TMEM178B: variants seen among roughly 807,000 people sequenced by gnomAD.
TMEM178B encodes the protein transmembrane protein 178B.
TMEM178B carries 5 observed loss-of-function variants against 31.0 expected under a neutral mutation model. The ratio of observed to expected loss-of-function variants is 0.16; its 90% confidence interval spans 0.08 to 0.34. The LOEUF is 0.34. Ranked by LOEUF, TMEM178B falls within the 10% of genes least tolerant of loss-of-function variation. The probability of loss-of-function intolerance (pLI) is 1.00; values close to 1 mark genes in which losing one functional copy is unlikely to be tolerated. For missense variants in TMEM178B, 275 were observed against 400.3 expected (o/e 0.69, Z 2.67); for synonymous variants, 164 against 164.0 (o/e 1.00, Z 0.00).
intron 2 of TMEM178B, among the ~76,000 whole-genome samples, chr7:141,345,590 G>A (rs1172070765): frequency 1.3e-5 from 2 of 152,186 alleles, no homozygotes; most frequent in Non-Finnish European, 2.9e-5. Context: ...AGTATTAGGT[G>A]ATTTTGTCAT....
chr7:141,453,822 C>G (rs1236012396), intron 3 of TMEM178B, among the ~76,000 whole-genome samples: 1 of 151,882 alleles, frequency 6.6e-6, no homozygotes, highest in Non-Finnish European at 1.5e-5. Context: ...TTTATTCATT[C>G]TAGTTTAGGA....
chr7:141,113,758 C>T (rs1009626115), intron 1 of TMEM178B, among the ~76,000 whole-genome samples: 2 of 152,142 alleles, frequency 1.3e-5, no homozygotes, highest in Non-Finnish European at 2.9e-5. Context: ...CAGCAGCAAG[C>T]CGTGTATCAC....
At chr7:141,185,016 G>A (rs1796586100) in intron 1 of TMEM178B, among the ~76,000 whole-genome samples, 1 of 152,204 alleles carries the variant, frequency 6.6e-6, no homozygotes, top group African/African-American at 2.4e-5. Context: ...AACGGGAAAA[G>A]TTCCCTTGCA....
At chr7:141,464,855 C>A (rs1248546959) in intron 3 of TMEM178B, among the ~76,000 whole-genome samples, 2 of 152,140 alleles carry the variant, frequency 1.3e-5, no homozygotes, top group Non-Finnish European at 2.9e-5. Flanking sequence ...AGGGTTATGC[C>A]TGGCACTGCT....
Position 141,308,824 on chromosome 7 carries a change from C to T in TMEM178B, c.496+96120C>T, listed in dbSNP as rs529958420. Among the ~76,000 whole-genome samples the T allele has an allele frequency of 6.6e-4, 100 of 152,284 alleles. 1 individual carries two copies. In the South Asian group the frequency reaches 0.019, roughly 29 times the overall value. On this transcript the variant is annotated intron_variant, in intron 2 of 3. Coordinates refer to ENST00000565468, the MANE Select transcript of TMEM178B (RefSeq NM_001195278.2). ...GCTGGGTGGGGAGGGGCCAGGACCC[C>T]GGCTCCTGAATCCCCAGCCTTTGTT...
intron 2 of TMEM178B, among the ~76,000 whole-genome samples, chr7:141,280,494 A>G (rs1356176396): frequency 2.0e-5 from 3 of 152,046 alleles, no homozygotes; most frequent in East Asian, 1.9e-4. Context: ...TTCTCATTCT[A>G]TCTTGCCTGC....
At chr7:141,152,008 T>C (rs957509197) in intron 1 of TMEM178B, among the ~76,000 whole-genome samples, 1 of 152,128 alleles carries the variant, frequency 6.6e-6, no homozygotes, top group African/African-American at 2.4e-5. Context: ...ACAGAGGACT[T>C]CCCTGTCTCT....
intron 1 of TMEM178B, among the ~76,000 whole-genome samples, chr7:141,131,594 CTT>C (rs1197100826): frequency 6.6e-6 from 1 of 152,186 alleles, no homozygotes; most frequent in Non-Finnish European, 1.5e-5. Flanking sequence ...TACCTGGCTT[CTT>C]TTACCTATCA....
intron 3 of TMEM178B, among the ~76,000 whole-genome samples, chr7:141,462,281 AAAT>A (rs1034729872): frequency 6.6e-6 from 1 of 152,206 alleles, no homozygotes; most frequent in Admixed American, 6.5e-5. Context: ...TGAAGGAATA[AAAT>A]AAGTCAGGAA....
intron 1 of TMEM178B, among the ~76,000 whole-genome samples, chr7:141,095,032 T>C (rs1054101304): frequency 6.6e-6 from 1 of 152,234 alleles, no homozygotes; most frequent in African/African-American, 2.4e-5. Context: ...TCACAAAACC[T>C]TCCTTTCTTG....
At chr7:141,462,152 C>T (rs1466235441) in intron 3 of TMEM178B, among the ~76,000 whole-genome samples, 1 of 152,184 alleles carries the variant, frequency 6.6e-6, no homozygotes, top group Non-Finnish European at 1.5e-5. Flanking sequence ...GCCAATTGGA[C>T]TCTCTTAGCC....
At position 141,477,415 on chromosome 7, in the gene TMEM178B, A is replaced by C. The variant is rs985672744; in HGVS notation, c.*6629A>C. ...ATATGAAGGGAGGGATACCATTGAC[A>C]CAGGAGGTTTTTTTCTGGTTGTTTC... On this transcript the variant is annotated 3_prime_UTR_variant, in exon 4 of 4. Coordinates refer to ENST00000565468, the MANE Select transcript of TMEM178B (RefSeq NM_001195278.2). The C allele has an allele frequency of 6.6e-6, 1 of 152,376 alleles. No individual in the cohort carries two copies. Among genetic ancestry groups the C allele is most frequent in the Non-Finnish European group, 1.5e-5 (1 of 68,128 alleles). The allele number at this position is 152,376 out of a possible 1,614,324, so 9.4% of individuals were successfully genotyped here.
At chr7:141,120,497 T>C (rs1193910291) in intron 1 of TMEM178B, among the ~76,000 whole-genome samples, 1 of 152,204 alleles carries the variant, frequency 6.6e-6, no homozygotes, top group Non-Finnish European at 1.5e-5. Flanking sequence ...TTAAATCTAG[T>C]TTTATTTTTA....
chr7:141,173,400 A>T (rs1198505915), intron 1 of TMEM178B, among the ~76,000 whole-genome samples: 1 of 152,218 alleles, frequency 6.6e-6, no homozygotes, highest in Non-Finnish European at 1.5e-5. Flanking sequence ...ACAAAATGTT[A>T]TGGAAACAGA....
At chr7:141,114,572 T>C (rs1410906738) in intron 1 of TMEM178B, among the ~76,000 whole-genome samples, 1 of 152,248 alleles carries the variant, frequency 6.6e-6, no homozygotes, top group Non-Finnish European at 1.5e-5. Flanking sequence ...GGTAAAATGC[T>C]CTCTCCTTCT....
chr7:141,420,095 C>A (rs1825211813), intron 2 of TMEM178B, among the ~76,000 whole-genome samples: 1 of 152,130 alleles, frequency 6.6e-6, no homozygotes, highest in Non-Finnish European at 1.5e-5. Context: ...AGAGCGCTTT[C>A]TTGACCTCCA....
In TMEM178B at chr7:141,470,780, G is replaced by C. The variant is rs750493717; in HGVS notation, c.879G>C (p.Val293=). 1 of 1,491,890 alleles carries C rather than the reference G, an allele frequency of 6.7e-7. No individual in the cohort carries two copies. Among genetic ancestry groups the C allele is most frequent in the Admixed American group, 2.2e-5 (1 of 45,530 alleles). The allele number at this position is 1,491,890 out of a possible 1,614,324, so 92.4% of individuals were successfully genotyped here. ...AATCCAGACCCGAGAATGGGACAGT[G>C]TGCTAAAAAACAAACCCATACATAC... ...YPKSRPENGT[V]C The change falls in exon 4 of 4, where the codon GTG becomes GTC. Residue 293 remains valine, a synonymous_variant. Coordinates refer to ENST00000565468, the MANE Select transcript of TMEM178B (RefSeq NM_001195278.2).
chr7:141,417,549 T>A (rs188544113), intron 2 of TMEM178B, among the ~76,000 whole-genome samples: 4 of 152,324 alleles, frequency 2.6e-5, no homozygotes, highest in Admixed American at 6.5e-5. Context: ...ACGGTGATGC[T>A]ACATGATTGG....
At chr7:141,290,496 G>T (rs574190440) in intron 2 of TMEM178B, among the ~76,000 whole-genome samples, 2 of 151,838 alleles carry the variant, frequency 1.3e-5, no homozygotes, top group African/African-American at 4.8e-5. Flanking sequence ...CCACTGCCCA[G>T]GTGTGAAATG....
Sources: allele counts gnomAD v4.1 joint callset (sites outside exome capture counted in the v4.1 genomes callset), GRCh38; gene constraint gnomAD v4.1.1; transcripts MANE v1.5; gene names NCBI Gene and HGNC (gene_info 2026-07-23, HGNC 2026-07-21).